Variants in TENM4 observed in about 807,000 individuals in gnomAD.
The protein encoded by TENM4 is teneurin-4.
TENM4 carries 82 observed loss-of-function variants against 243.3 expected under a neutral mutation model. That is an observed-to-expected ratio of 0.34 (90% CI 0.28 to 0.40). TENM4 has a LOEUF of 0.40. Among genes scored for constraint, TENM4 ranks in the 10% least tolerant of loss-of-function variants. The pLI is 1.00. For missense variants in TENM4, 3,138 were observed against 3,673.3 expected (o/e 0.85, Z 3.77); for synonymous variants, 1,412 against 1,456.3 (o/e 0.97, Z 0.69).
Position 78,732,500 on chromosome 11 carries a change from G to A in TENM4, c.2954C>T (p.Thr985Ile). 1 of 1,613,618 alleles carries A rather than the reference G, an allele frequency of 6.2e-7. No homozygotes were observed. The highest frequency in any genetic ancestry group is 8.5e-7 in the Non-Finnish European group (1 of 1,179,756). The change falls in exon 21 of 34, where the codon ACC (threonine) becomes ATC (isoleucine). Residue 985 changes from threonine to isoleucine, a missense_variant. Physicochemically the swap from Thr to Ile is moderately conservative, Grantham distance 89. Transcript: ENST00000278550. ...ERAPFITQEH[T>I]LWLPWDRFFV... ...GAAGCGATCCCATGGCAGCCACAGGGTGTGCTCCTGTGTGATGAAAGGTGC... is the reference window on the plus strand; with the variant it reads ...GAAGCGATCCCATGGCAGCCACAGGATGTGCTCCTGTGTGATGAAAGGTGC...
At chr11:78,866,939 T>A (rs1005578500) in intron 9 of TENM4, among the ~76,000 whole-genome samples, 1 of 152,152 alleles carries the variant, frequency 6.6e-6, no homozygotes, top group East Asian at 1.9e-4. Flanking sequence ...ACCAGTAATG[T>A]CATCTTTTTA....
At chr11:79,419,947 T>G (rs914211312) in intron 1 of TENM4, among the ~76,000 whole-genome samples, 1 of 152,116 alleles carries the variant, frequency 6.6e-6, no homozygotes, top group African/African-American at 2.4e-5. Context: ...ATGTGATATT[T>G]TATGTGTATG....
chr11:78,779,852 A>C (rs1389266476), intron 16 of TENM4, among the ~76,000 whole-genome samples: 1 of 152,346 alleles, frequency 6.6e-6, no homozygotes, highest in African/African-American at 2.4e-5. Flanking sequence ...CTCTCTTCAT[A>C]AAAAACCATA....
At chr11:79,383,077 T>G (rs1858038788) in intron 1 of TENM4, among the ~76,000 whole-genome samples, 1 of 152,190 alleles carries the variant, frequency 6.6e-6, no homozygotes, top group Admixed American at 6.5e-5. Flanking sequence ...TCTGCCTTTC[T>G]GCCCTGCTCT....
At chr11:79,053,845 C>T (rs1342613504) in intron 6 of TENM4, among the ~76,000 whole-genome samples, 1 of 152,194 alleles carries the variant, frequency 6.6e-6, no homozygotes, top group Non-Finnish European at 1.5e-5. Flanking sequence ...TGCTCCCTTC[C>T]AGACTGAAGT....
intron 4 of TENM4, among the ~76,000 whole-genome samples, chr11:79,131,935 G>A (rs1168650796): frequency 6.6e-6 from 1 of 152,170 alleles, no homozygotes; most frequent in Non-Finnish European, 1.5e-5. Context: ...AGTTAAAAGA[G>A]ACAGAGGGAC....
At chr11:79,106,935 T>G (rs1861385485) in intron 4 of TENM4, among the ~76,000 whole-genome samples, 1 of 152,212 alleles carries the variant, frequency 6.6e-6, no homozygotes, top group Non-Finnish European at 1.5e-5. Context: ...CAAAGAGTAA[T>G]TGTCTAGAAT....
chr11:79,236,006 G>A lies in TENM4; in HGVS notation c.-264-20097C>T, dbSNP rs956708941. Among the ~76,000 whole-genome samples, 3 of 151,962 alleles carry A rather than the reference G, an allele frequency of 2.0e-5. No homozygotes were observed. The South Asian group carries it at 6.2e-4, about 32-fold the overall frequency. ...GCCGCTGCTGCCCTGTAAACAATGC[G>A]CTCCTCTTCCAAAAGTGTCTGCATT... On this transcript the variant is annotated intron_variant, in intron 2 of 33. Coordinates refer to ENST00000278550, the MANE Select transcript of TENM4 (RefSeq NM_001098816.3).
intron 15 of TENM4, among the ~76,000 whole-genome samples, chr11:78,794,936 T>C (rs1014081521): frequency 6.6e-6 from 1 of 152,198 alleles, no homozygotes; most frequent in Non-Finnish European, 1.5e-5. Flanking sequence ...ATGTCAGTAC[T>C]TGAGTAGGAA....
intron 12 of TENM4, among the ~76,000 whole-genome samples, chr11:78,823,467 CT>C (rs1208309758): frequency 2.0e-5 from 3 of 152,182 alleles, no homozygotes; most frequent in Non-Finnish European, 4.4e-5. Flanking sequence ...ACCCAGGGAA[CT>C]TAGCATTCAG....
chr11:78,868,273 GC>G (rs1258587261), intron 9 of TENM4, among the ~76,000 whole-genome samples: 3 of 152,034 alleles, frequency 2.0e-5, no homozygotes, highest in Non-Finnish European at 4.4e-5. Context: ...TAACTGTTGT[GC>G]AAAACCTTCC....
intron 12 of TENM4, among the ~76,000 whole-genome samples, chr11:78,822,685 T>G (rs2136125325): frequency 6.6e-6 from 1 of 152,214 alleles, no homozygotes; most frequent in East Asian, 1.9e-4. Flanking sequence ...TTTACCTATG[T>G]AACAAACCTG....
chr11:79,196,437 C>A (rs114426425), intron 3 of TENM4, among the ~76,000 whole-genome samples: 1,549 of 152,230 alleles, frequency 0.01, 37 homozygotes, highest in African/African-American at 0.034. Context: ...TCCACAGCCT[C>A]AGCCTCAGCA....
chr11:79,381,489 G>A (rs559806015), intron 1 of TENM4, among the ~76,000 whole-genome samples: 2 of 151,434 alleles, frequency 1.3e-5, no homozygotes, highest in Non-Finnish European at 2.9e-5. Flanking sequence ...AGTCCCCAAC[G>A]TTTGCTCACC....
rs181768679 is a variant in TENM4 at position 78,735,724 on chromosome 11, C to T, written c.2876+2727G>A. ...TCACCTTTCCAAGCCTCAGTTTTCT[C>T]ATTTGTAAAATGAAGCTGATGATCA... On this transcript the variant is annotated intron_variant, in intron 20 of 33. Transcript: ENST00000278550. Among the ~76,000 whole-genome samples the T allele has an allele frequency of 4.6e-5, 7 of 152,310 alleles. No individual in the cohort carries two copies. In the East Asian group the frequency reaches 9.7e-4, roughly 21 times the overall value.
intron 2 of TENM4, among the ~76,000 whole-genome samples, chr11:79,259,419 C>T (rs1018103536): frequency 6.6e-6 from 1 of 152,138 alleles, no homozygotes; most frequent in African/African-American, 2.4e-5. Flanking sequence ...AAATTCCTTC[C>T]TTCCTAGAAC....
At chr11:79,164,549 C>CTATATACTA (rs1182129685) in intron 3 of TENM4, among the ~76,000 whole-genome samples, 1 of 141,120 alleles carries the variant, frequency 7.1e-6, no homozygotes, top group African/African-American at 2.6e-5. Flanking sequence ...CTATATATAT[C>CTATATACTA]TATATACTAT....
At chr11:78,700,550 A>G (rs531870031) in intron 28 of TENM4, among the ~76,000 whole-genome samples, 1 of 152,180 alleles carries the variant, frequency 6.6e-6, no homozygotes. Context: ...GACCTCAAAA[A>G]GCAGCTTAAA....
chr11:79,037,015 C>CAAAAAAAAAA (rs369421583), intron 6 of TENM4, among the ~76,000 whole-genome samples: 8 of 91,140 alleles, frequency 8.8e-5, no homozygotes, highest in African/African-American at 3.0e-4. Context: ...GACTCCATCT[C>CAAAAAAAAAA]AAAAAAAAAA....
Sources: allele counts gnomAD v4.1 joint callset (sites outside exome capture counted in the v4.1 genomes callset), GRCh38; gene constraint gnomAD v4.1.1; transcripts MANE v1.5; gene names NCBI Gene and HGNC (gene_info 2026-07-23, HGNC 2026-07-21).